TMEM233: variants seen among roughly 807,000 people sequenced by gnomAD.
TMEM233 encodes the protein transmembrane protein 233.
TMEM233 carries 6 observed loss-of-function variants against 11.2 expected under a neutral mutation model. The observed-to-expected ratio is 0.54, with a 90% CI of 0.29 to 1.06. The LOEUF (loss-of-function observed/expected upper bound fraction) is 1.06, where lower values mean the gene tolerates loss of function less well. TMEM233 is among the 50% of genes least tolerant of loss of function. The pLI is 0.08. For missense variants in TMEM233, 127 were observed against 144.7 expected, an observed-to-expected ratio of 0.88 and a Z score of 0.63; for synonymous variants, 59 against 55.8, an observed-to-expected ratio of 1.06 and a Z score of -0.26.
the TMEM233 span, among the ~76,000 whole-genome samples, chr12:119,653,820 G>A: frequency 6.6e-6 from 1 of 152,008 alleles, no homozygotes; most frequent in African/African-American, 2.4e-5. Context: ...GTGATTTGCA[G>A]AGAAGTATCA....
At chr12:119,605,748 G>GAAACAGC (rs1213827345) in intron 1 of TMEM233, among the ~76,000 whole-genome samples, 1 of 151,882 alleles carries the variant, frequency 6.6e-6, no homozygotes, top group East Asian at 1.9e-4. Context: ...CCTTTGATAG[G>GAAACAGC]AAACAGCTTT....
intron 1 of TMEM233, 59 bp from the exon 2 acceptor site, chr12:119,629,677 C>T (rs1044254021): frequency 6.7e-7 from 1 of 1,500,202 alleles, no homozygotes; most frequent in Non-Finnish European, 8.9e-7. Context: ...GCCTGAGGAC[C>T]TCCATCCCTT....
intron 1 of TMEM233, among the ~76,000 whole-genome samples, chr12:119,625,996 G>C (rs1954749220): frequency 6.6e-6 from 1 of 152,100 alleles, no homozygotes; most frequent in Non-Finnish European, 1.5e-5. Flanking sequence ...ATAATTGTTA[G>C]GTTCATCTAG....
At chr12:119,653,891 T>C in the TMEM233 span, among the ~76,000 whole-genome samples, 61 of 151,826 alleles carry the variant, frequency 4.0e-4, no homozygotes, top group African/African-American at 1.4e-3. Context: ...GAATGGAGCA[T>C]TTAAAAAGTT....
At chr12:119,621,698 C>CATT (rs1396664432) in intron 1 of TMEM233, among the ~76,000 whole-genome samples, 1 of 152,172 alleles carries the variant, frequency 6.6e-6, no homozygotes, top group Non-Finnish European at 1.5e-5. Context: ...CCTTGAAAAA[C>CATT]ATTTAACACA....
At chr12:119,603,145 C>T (rs562517847) in intron 1 of TMEM233, among the ~76,000 whole-genome samples, 1 of 152,038 alleles carries the variant, frequency 6.6e-6, no homozygotes. Context: ...GCAGTGAGTG[C>T]CTGTAATCCA....
At chr12:119,602,665 A>G (rs928003436) in intron 1 of TMEM233, among the ~76,000 whole-genome samples, 1 of 152,206 alleles carries the variant, frequency 6.6e-6, no homozygotes, top group Non-Finnish European at 1.5e-5. Flanking sequence ...GTATTTAGGA[A>G]CCTAGAATTT....
At chr12:119,624,627 C>T (rs1407011983) in intron 1 of TMEM233, among the ~76,000 whole-genome samples, 1 of 151,888 alleles carries the variant, frequency 6.6e-6, no homozygotes, top group Non-Finnish European at 1.5e-5. Context: ...CATGAGGTAC[C>T]CAGAATAGTC....
chr12:119,622,230 C>T (rs964385532), intron 1 of TMEM233, among the ~76,000 whole-genome samples: 7 of 151,952 alleles, frequency 4.6e-5, no homozygotes, highest in African/African-American at 7.3e-5. Flanking sequence ...ATTATTCATG[C>T]GGGGAAAAAA....
chr12:119,622,182 A>G (rs1204679307), intron 1 of TMEM233, among the ~76,000 whole-genome samples: 1 of 152,254 alleles, frequency 6.6e-6, no homozygotes, highest in Non-Finnish European at 1.5e-5. Flanking sequence ...GTGCTTAGTC[A>G]TAATGGAAGC....
At position 119,642,048 on chromosome 12, in the gene TMEM233, A is replaced by C. The variant is rs1479800458; in HGVS notation, c.*1343A>C. ...TTTCTGTTCAAATAAATTAAGAAAA[A>C]CAAGAGAACTCAAGAAAATATCAAG... On this transcript the variant is annotated 3_prime_UTR_variant, in exon 3 of 3. Coordinates refer to ENST00000426426, the MANE Select transcript of TMEM233 (RefSeq NM_001136534.3). The C allele has an allele frequency of 6.6e-6, 1 of 152,252 alleles. No individual in the cohort carries two copies. Among genetic ancestry groups the C allele is most frequent in the African/African-American group, 2.4e-5 (1 of 41,458 alleles). 9.4% of individuals were successfully genotyped at this position (152,252 alleles called of 1,614,324 possible).
chr12:119,598,684 C>G (rs953101390), intron 1 of TMEM233, among the ~76,000 whole-genome samples: 3 of 152,202 alleles, frequency 2.0e-5, no homozygotes, highest in Non-Finnish European at 4.4e-5. Flanking sequence ...CCTGAGATGT[C>G]TTACATACCT....
chr12:119,607,106 G>C (rs1378339661), intron 1 of TMEM233, among the ~76,000 whole-genome samples: 9 of 152,308 alleles, frequency 5.9e-5, no homozygotes, highest in Admixed American at 3.9e-4. Flanking sequence ...GGAAGAAAAG[G>C]CTGGAAAGTA....
At chr12:119,625,240 C>T (rs759643094) in intron 1 of TMEM233, among the ~76,000 whole-genome samples, 72 of 152,078 alleles carry the variant, frequency 4.7e-4, no homozygotes, top group Non-Finnish European at 8.5e-4. Flanking sequence ...ATGTCTAATC[C>T]CCCTTAATAG....
At position 119,595,640 on chromosome 12, in the gene TMEM233, G is replaced by C. The variant is rs189910750; in HGVS notation, c.186+1606G>C. On this transcript the variant is annotated intron_variant, in intron 1 of 2. Coordinates refer to ENST00000426426, the MANE Select transcript of TMEM233 (RefSeq NM_001136534.3). This position sits in a 1 kb window ranked among gnomAD's most constrained non-coding sequence, Gnocchi z 4.3. The stretch of plus-strand genomic sequence containing the variant: ...CATAGCCATGTTTCTTGGGGTTGTT[G>C]GGAGCATTCATGACATAAATAATTG... Among the ~76,000 whole-genome samples the C allele has an allele frequency of 2.6e-5, 4 of 152,264 alleles. No individual in the cohort carries two copies. In the East Asian group the frequency reaches 7.7e-4, roughly 29 times the overall value.
intron 1 of TMEM233, among the ~76,000 whole-genome samples, chr12:119,615,427 G>T (rs1219300582): frequency 6.6e-6 from 1 of 152,024 alleles, no homozygotes; most frequent in African/African-American, 2.4e-5. Context: ...GCTGCACTCA[G>T]GATAACCTGA....
chr12:119,608,930 G>C (rs1261669607), intron 1 of TMEM233, among the ~76,000 whole-genome samples: 1 of 152,112 alleles, frequency 6.6e-6, no homozygotes, highest in Non-Finnish European at 1.5e-5. Context: ...GCATGAGAAT[G>C]AATTAATAGA....
intron 2 of TMEM233, among the ~76,000 whole-genome samples, chr12:119,638,640 GT>G (rs1955016091): frequency 6.6e-6 from 1 of 152,112 alleles, no homozygotes; most frequent in African/African-American, 2.4e-5. Flanking sequence ...TTGCAGCTTT[GT>G]TTGCAATAGG....
intron 1 of TMEM233, among the ~76,000 whole-genome samples, chr12:119,610,487 A>G (rs1954371229): frequency 1.3e-5 from 2 of 152,132 alleles, no homozygotes. Flanking sequence ...TCCTCATGCA[A>G]ATCTCATCTT....
Sources: gnomAD v4.1 joint callset for allele counts (sites outside exome capture counted in the v4.1 genomes callset) on GRCh38, gnomAD v4.1.1 for gene constraint, Gnocchi (gnomAD v3.1) non-coding constraint, MANE v1.5 for transcripts, NCBI Gene and HGNC (gene_info 2026-07-23, HGNC 2026-07-21) for gene names.